The following NRCAM variants were observed in gnomAD, a reference collection of about 807,000 sequenced individuals.
NRCAM encodes the protein neuronal cell adhesion molecule.
In NRCAM, 83 loss-of-function variants were observed where a neutral mutation model predicts 156.5. The ratio of observed to expected loss-of-function variants is 0.53; its 90% CI spans 0.44 to 0.64. The LOEUF (loss-of-function observed/expected upper bound fraction) is 0.64. NRCAM is among the 30% of genes least tolerant of loss of function. NRCAM has a pLI of 0.00. For missense variants in NRCAM, 1,417 were observed against 1,597.3 expected (o/e 0.89, Z 1.92); for synonymous variants, 538 against 563.9 (o/e 0.95, Z 0.65).
At chr7:108,339,596 C>T (rs1344413349) in intron 2 of NRCAM, among the ~76,000 whole-genome samples, 4 of 152,068 alleles carry the variant, frequency 2.6e-5, no homozygotes, top group Admixed American at 6.5e-5. Flanking sequence ...TCCAGCAGTC[C>T]GAACCCCTTT....
At chr7:108,156,259 G>A in intron 32 of NRCAM, 5 of 978,272 alleles carry the variant, frequency 5.1e-6, no homozygotes, top group Non-Finnish European at 6.1e-6. Flanking sequence ...TGAATGACAA[G>A]ATTCATGTGG....
At chr7:108,337,127 G>T (rs1345639936) in intron 2 of NRCAM, among the ~76,000 whole-genome samples, 1 of 151,964 alleles carries the variant, frequency 6.6e-6, no homozygotes, top group African/African-American at 2.4e-5. Context: ...AGCTGGGCTG[G>T]GGACCCACAC....
intron 2 of NRCAM, among the ~76,000 whole-genome samples, chr7:108,324,360 C>T (rs989533393): frequency 6.6e-6 from 1 of 152,130 alleles, no homozygotes; most frequent in African/African-American, 2.4e-5. Context: ...TTACTTCATT[C>T]CCTAACAAAC....
At chr7:108,269,063 T>C (rs1321246477) in intron 3 of NRCAM, among the ~76,000 whole-genome samples, 3 of 151,778 alleles carry the variant, frequency 2.0e-5, no homozygotes, top group African/African-American at 4.8e-5. Context: ...CTGGGAAGTA[T>C]GGCTTTGGGC....
chr7:108,350,025 C>G (rs905549384), intron 2 of NRCAM, among the ~76,000 whole-genome samples: 4 of 152,182 alleles, frequency 2.6e-5, no homozygotes, highest in Admixed American at 2.6e-4. Context: ...TCCTTTAGTT[C>G]CCTGAATCTA....
chr7:108,236,033 G>A (rs2094946443), intron 5 of NRCAM, among the ~76,000 whole-genome samples: 1 of 152,012 alleles, frequency 6.6e-6, no homozygotes, highest in Admixed American at 6.6e-5. Context: ...TTCATCTTCT[G>A]GATCTTCCCT....
intron 1 of NRCAM, among the ~76,000 whole-genome samples, chr7:108,411,625 G>T (rs1795431277): frequency 6.6e-6 from 1 of 152,134 alleles, no homozygotes; most frequent in African/African-American, 2.4e-5. Context: ...TGCCTCCTGG[G>T]TTCAAGGGAT....
At chr7:108,199,593 C>T (rs746863262) in intron 13 of NRCAM, among the ~76,000 whole-genome samples, 50 of 152,316 alleles carry the variant, frequency 3.3e-4, no homozygotes, top group Non-Finnish European at 5.9e-4. Flanking sequence ...TGGTCCTCTT[C>T]CTCCATTTTC....
chr7:108,269,165 A>G (rs78861075), intron 3 of NRCAM, among the ~76,000 whole-genome samples: 1 of 142,180 alleles, frequency 7.0e-6, no homozygotes. Context: ...GCTGTATTTG[A>G]AAAAAAAAAA....
chr7:108,429,429 T>C (rs1413871185), intron 1 of NRCAM, among the ~76,000 whole-genome samples: 4 of 152,194 alleles, frequency 2.6e-5, no homozygotes, highest in Non-Finnish European at 5.9e-5. Flanking sequence ...TGACCTCAGG[T>C]AATCCACCCA....
At chr7:108,361,730 TC>T (rs1402648053) in intron 2 of NRCAM, among the ~76,000 whole-genome samples, 3 of 152,158 alleles carry the variant, frequency 2.0e-5, no homozygotes, top group African/African-American at 7.2e-5. Context: ...GGAGCCAGTC[TC>T]CACAATTGAG....
At chr7:108,281,006 G>C (rs1205087553) in intron 3 of NRCAM, among the ~76,000 whole-genome samples, 1 of 152,110 alleles carries the variant, frequency 6.6e-6, no homozygotes, top group African/African-American at 2.4e-5. Flanking sequence ...GGTTCCTTTT[G>C]TAAAGGAAAT....
rs979814340 is a variant in NRCAM at position 108,197,076 on chromosome 7, C to A, written c.1351+880G>T. Among the ~76,000 whole-genome samples, 5 of 152,158 alleles carry A rather than the reference C, an allele frequency of 3.3e-5. No homozygotes were observed. The South Asian group carries it at 8.3e-4, about 25-fold the overall frequency. ...TTCATGTCATGACCACATGGATGAA[C>A]CTGGAGGATGTTGTGTTAAGTGCAA... is the stretch of plus-strand genomic sequence containing the variant. On this transcript the variant is annotated intron_variant, in intron 14 of 32. Coordinates refer to ENST00000379028, the MANE Select transcript of NRCAM (RefSeq NM_001037132.4).
At chr7:108,278,782 C>T (rs1177012873) in intron 3 of NRCAM, among the ~76,000 whole-genome samples, 2 of 152,258 alleles carry the variant, frequency 1.3e-5, no homozygotes, top group Non-Finnish European at 2.9e-5. Flanking sequence ...CAACCAGTCC[C>T]AGTGAGATGA....
chr7:108,288,664 C>A (rs574229071), intron 3 of NRCAM, among the ~76,000 whole-genome samples: 1 of 152,066 alleles, frequency 6.6e-6, no homozygotes, highest in Non-Finnish European at 1.5e-5. Flanking sequence ...TACATAAGAA[C>A]CTGTCCCACT....
intron 2 of NRCAM, among the ~76,000 whole-genome samples, chr7:108,374,608 A>G (rs1750421767): frequency 6.6e-6 from 1 of 152,174 alleles, no homozygotes; most frequent in Non-Finnish European, 1.5e-5. Context: ...GATGAATTCA[A>G]ATATGAAGTG....
At chr7:108,308,558 T>C (rs1056021353) in intron 3 of NRCAM, among the ~76,000 whole-genome samples, 1 of 152,098 alleles carries the variant, frequency 6.6e-6, no homozygotes, top group Non-Finnish European at 1.5e-5. Context: ...GGGGAACACA[T>C]AAAAGTTGCA....
At chr7:108,311,795 A>C (rs956412879) in intron 3 of NRCAM, among the ~76,000 whole-genome samples, 1 of 152,212 alleles carries the variant, frequency 6.6e-6, no homozygotes, top group African/African-American at 2.4e-5. Flanking sequence ...ACAAGAGACA[A>C]CATGCTCAAA....
At chr7:108,433,742 C>G (rs1828659041) in intron 1 of NRCAM, among the ~76,000 whole-genome samples, 1 of 152,184 alleles carries the variant, frequency 6.6e-6, no homozygotes, top group Non-Finnish European at 1.5e-5. Flanking sequence ...AGTCAAGGCC[C>G]TCACCTGAAA....
Sources: gnomAD v4.1 joint callset for allele counts (sites outside exome capture counted in the v4.1 genomes callset) on GRCh38, gnomAD v4.1.1 for gene constraint, MANE v1.5 for transcripts, NCBI Gene and HGNC (gene_info 2026-07-23, HGNC 2026-07-21) for gene names.